Variants in ZSWIM5 observed in about 807,000 individuals in gnomAD.
The protein encoded by ZSWIM5 is zinc finger SWIM-type containing 5, also known as zinc finger SWIM domain-containing protein 5.
In ZSWIM5, 55 loss-of-function variants were observed where a neutral mutation model predicts 119.6. The observed-to-expected ratio is 0.46, with a 90% confidence interval of 0.37 to 0.58. The LOEUF is 0.58. ZSWIM5 is among the 20% of genes least tolerant of loss of function. ZSWIM5 has a pLI of 0.00. For missense variants in ZSWIM5, 1,193 were observed against 1,512.8 expected, an observed-to-expected ratio of 0.79 and a Z score of 3.51; for synonymous variants, 537 against 606.9, an observed-to-expected ratio of 0.88 and a Z score of 1.69.
intron 2 of ZSWIM5, among the ~76,000 whole-genome samples, chr1:45,082,130 C>T (rs925838017): frequency 6.7e-6 from 1 of 148,826 alleles, no homozygotes; most frequent in African/African-American, 2.5e-5. Flanking sequence ...TTGAAGGCAG[C>T]ATGCTCATTA....
At chr1:45,105,318 G>A (rs560186834) in intron 1 of ZSWIM5, among the ~76,000 whole-genome samples, 46 of 152,248 alleles carry the variant, frequency 3.0e-4, no homozygotes, top group East Asian at 1.2e-3. Context: ...CCTCCCAGCC[G>A]CCTGCCTTGG....
intron 2 of ZSWIM5, among the ~76,000 whole-genome samples, chr1:45,065,450 G>A (rs1449944058): frequency 6.6e-6 from 1 of 152,206 alleles, no homozygotes; most frequent in Non-Finnish European, 1.5e-5. Flanking sequence ...AAAAAGTGGA[G>A]AACATTTGGC....
chr1:45,079,345 G>A (rs929604135), intron 2 of ZSWIM5, among the ~76,000 whole-genome samples: 5 of 152,138 alleles, frequency 3.3e-5, no homozygotes, highest in Admixed American at 1.3e-4. Flanking sequence ...TCACATGGAC[G>A]CGCATGACAC....
intron 1 of ZSWIM5, among the ~76,000 whole-genome samples, chr1:45,112,300 A>C (rs1159777345): frequency 6.6e-6 from 1 of 152,172 alleles, no homozygotes; most frequent in African/African-American, 2.4e-5. Context: ...TTTGAGATTC[A>C]TCATGTTCTG....
intron 1 of ZSWIM5, among the ~76,000 whole-genome samples, chr1:45,186,537 A>G (rs911019043): frequency 1.3e-5 from 2 of 152,068 alleles, no homozygotes; most frequent in Admixed American, 1.3e-4. Flanking sequence ...AGACATGGAA[A>G]GAGATTCTTT....
chr1:45,081,440 G>A (rs1274221673), intron 2 of ZSWIM5, among the ~76,000 whole-genome samples: 2 of 152,182 alleles, frequency 1.3e-5, no homozygotes, highest in Non-Finnish European at 1.5e-5. Flanking sequence ...CCTGCGGAGT[G>A]CCTGCAATTG....
At chr1:45,181,027 C>A (rs1299372359) in intron 1 of ZSWIM5, among the ~76,000 whole-genome samples, 7 of 152,270 alleles carry the variant, frequency 4.6e-5, no homozygotes, top group African/African-American at 1.7e-4. Context: ...AGCAGAGCGC[C>A]TCTCCTCCTC....
intron 1 of ZSWIM5, among the ~76,000 whole-genome samples, chr1:45,189,241 G>C (rs940014529): frequency 6.6e-6 from 1 of 151,906 alleles, no homozygotes; most frequent in Non-Finnish European, 1.5e-5. Flanking sequence ...CTTCAACCCG[G>C]GAGGCAGAGG....
chr1:45,107,987 G>C (rs922504274), intron 1 of ZSWIM5, among the ~76,000 whole-genome samples: 8 of 152,120 alleles, frequency 5.3e-5, no homozygotes, highest in Admixed American at 2.6e-4. Flanking sequence ...GTAGAGATGG[G>C]ATCTCACTAT....
Position 45,187,360 on chromosome 1 carries a change from T to G in ZSWIM5, c.595+18396A>C, listed in dbSNP as rs543265358. Reference sequence around the variant, plus strand: ...CATTCAATGGAGAAAGACTAGTCATTTCACCAAATAATGCTGGAAAAAATG... The same window carrying G: ...CATTCAATGGAGAAAGACTAGTCATGTCACCAAATAATGCTGGAAAAAATG... On this transcript the variant is annotated intron_variant, in intron 1 of 13. Coordinates refer to ENST00000359600, the MANE Select transcript of ZSWIM5 (RefSeq NM_020883.2). 3.3e-5 allele frequency among the ~76,000 whole-genome samples: 5 copies of G among 152,234 alleles called. No homozygotes were observed. The South Asian group carries it at 6.2e-4, about 19-fold the overall frequency.
At chr1:45,022,970 T>G (rs936128803) in intron 11 of ZSWIM5, among the ~76,000 whole-genome samples, 2 of 152,234 alleles carry the variant, frequency 1.3e-5, no homozygotes, top group Non-Finnish European at 2.9e-5. Flanking sequence ...GAGTTTTTTT[T>G]CCTGAATATT....
At position 45,180,724 on chromosome 1, in the gene ZSWIM5, CCT is replaced by C. The variant is rs1411375616; in HGVS notation, c.595+25030_595+25031del. Reference sequence around the variant, plus strand: ...GACACCTCACACGGCTGGGTACTCCCCTGAGACAAAGCTTCCAGAGGAACGAT... The same window carrying C: ...GACACCTCACACGGCTGGGTACTCCCGAGACAAAGCTTCCAGAGGAACGAT... On this transcript the variant is annotated intron_variant, in intron 1 of 13. Transcript: ENST00000359600. Among the ~76,000 whole-genome samples the C allele has an allele frequency of 7.9e-5, 12 of 152,012 alleles. 1 individual carries two copies. The highest frequency in any genetic ancestry group is 2.4e-4 in the African/African-American group (10 of 41,408).
At chr1:45,053,425 T>G (rs1645101378) in intron 4 of ZSWIM5, among the ~76,000 whole-genome samples, 2 of 152,076 alleles carry the variant, frequency 1.3e-5, no homozygotes, top group Admixed American at 1.3e-4. Context: ...GTGCTAATTC[T>G]AGTCCTGGAG....
chr1:45,118,400 T>C (rs1479148479), intron 1 of ZSWIM5, among the ~76,000 whole-genome samples: 1 of 152,208 alleles, frequency 6.6e-6, no homozygotes, highest in Non-Finnish European at 1.5e-5. Flanking sequence ...ATCACTTATT[T>C]TGATACTAAT....
chr1:45,048,182 C>G (rs755161524), intron 5 of ZSWIM5, among the ~76,000 whole-genome samples: 7 of 149,364 alleles, frequency 4.7e-5, no homozygotes, highest in South Asian at 2.1e-4. Context: ...CTCCTGGGCT[C>G]AAGCAATCCA....
intron 2 of ZSWIM5, among the ~76,000 whole-genome samples, chr1:45,069,100 T>C (rs765418236): frequency 1.3e-4 from 20 of 151,948 alleles, no homozygotes; most frequent in South Asian, 4.2e-4. Context: ...GCGTGAACCA[T>C]CCCACCCAGT....
In ZSWIM5 at chr1:45,146,431, C is replaced by CTTTTTT. The variant is rs35073818; in HGVS notation, c.596-58200_596-58195dup. ...TAAAATACAAGTATCTGTTTCTAGA[C>CTTTTTT]TTTTTTTTTTTTTTTTTTTTTTTTT... On this transcript the variant is annotated intron_variant, in intron 1 of 13. Transcript: ENST00000359600. Among the ~76,000 whole-genome samples, 15 of 45,900 alleles carry CTTTTTT rather than the reference C, an allele frequency of 3.3e-4. 5 individuals carry two copies. The highest frequency in any genetic ancestry group is 1.6e-3 in the African/African-American group (15 of 9,282). The allele number at this position is 45,900 out of a possible 152,430, so 30.1% of individuals were successfully genotyped here.
intron 1 of ZSWIM5, among the ~76,000 whole-genome samples, chr1:45,191,223 G>T (rs1646091249): frequency 6.6e-6 from 1 of 151,990 alleles, no homozygotes; most frequent in Non-Finnish European, 1.5e-5. Flanking sequence ...GTGAGCCACC[G>T]CGCCCGGCCG....
rs1434789047 is a variant in ZSWIM5 at position 45,088,352 on chromosome 1, C to T, written c.596-115G>A. ...TTATGTATTGGGTATCTCCTACACACGTACATGATAGGCTTTGCCACAGAC... is the reference window on the plus strand; with the variant it reads ...TTATGTATTGGGTATCTCCTACACATGTACATGATAGGCTTTGCCACAGAC... On this transcript the variant is annotated intron_variant, in intron 1 of 13. Transcript: ENST00000359600. The surrounding 1 kb of genome is among the most constrained non-coding windows in gnomAD (Gnocchi z 4.2). 1.4e-5 allele frequency: 10 copies of T among 725,884 alleles called. No individual in the cohort carries two copies. The highest frequency in any genetic ancestry group is 6.2e-5 in the Admixed American group (2 of 32,066). 45.0% of individuals were successfully genotyped at this position (725,884 alleles called of 1,614,324 possible). A position where few individuals can be genotyped will look rare whatever the true frequency, so the allele number is the denominator to read the frequency against.
Sources: gnomAD v4.1 joint callset for allele counts (sites outside exome capture counted in the v4.1 genomes callset) on GRCh38, gnomAD v4.1.1 for gene constraint, Gnocchi (gnomAD v3.1) non-coding constraint, MANE v1.5 for transcripts, NCBI Gene and HGNC (gene_info 2026-07-23, HGNC 2026-07-21) for gene names.